NDC1: variants seen among roughly 807,000 people sequenced by gnomAD.
The protein encoded by NDC1 is NDC1 transmembrane nucleoporin.
In NDC1, 24 loss-of-function variants were observed where a neutral mutation model predicts 89.8. The observed-to-expected ratio is 0.27, with a 90% CI of 0.19 to 0.38. NDC1 has a LOEUF of 0.38. Ranked by LOEUF, NDC1 falls within the 10% of genes least tolerant of loss-of-function variation. The probability of loss-of-function intolerance (pLI) is 1.00; values close to 1 mark genes in which losing one functional copy is unlikely to be tolerated. For synonymous variants in NDC1, 296 were observed against 284.8 expected (o/e 1.04, Z -0.39); for missense variants, 728 against 797.6 (o/e 0.91, Z 1.05).
intron 5 of NDC1, 103 bp from the exon 6 acceptor site, chr1:53,819,182 CA>C: frequency 1.6e-6 from 1 of 637,898 alleles, no homozygotes; most frequent in Non-Finnish European, 2.8e-6. Flanking sequence ...ACATAGAAAA[CA>C]TAATTATTGT....
intron 16 of NDC1, among the ~76,000 whole-genome samples, chr1:53,781,240 C>T (rs1357138029): frequency 6.6e-6 from 1 of 152,092 alleles, no homozygotes; most frequent in African/African-American, 2.4e-5. Context: ...CAATAAAATC[C>T]TATGGACCTC....
intron 16 of NDC1, 124 bp downstream of exon 16, chr1:53,787,034 G>A: frequency 1.7e-6 from 1 of 595,068 alleles, no homozygotes; most frequent in Non-Finnish European, 3.0e-6. Flanking sequence ...GGGTGAAAAA[G>A]TATCATTATT....
intron 2 of NDC1, among the ~76,000 whole-genome samples, chr1:53,834,191 G>A (rs915056808): frequency 2.0e-5 from 3 of 152,234 alleles, no homozygotes; most frequent in Non-Finnish European, 2.9e-5. Flanking sequence ...AAAGTGTGAT[G>A]AGGATTAAAA....
At chr1:53,827,965 T>G in intron 4 of NDC1, 34 bp downstream of exon 4, 200 of 1,519,304 alleles carry the variant, frequency 1.3e-4, no homozygotes, top group Non-Finnish European at 1.6e-4. Flanking sequence ...AGTAAGTAAA[T>G]GAGATTCCTA....
In NDC1 at chr1:53,793,209, C is replaced by A. The variant is rs372418589; in HGVS notation, c.1635+20G>T. 399 of 1,590,114 alleles carry A rather than the reference C, an allele frequency of 2.5e-4. 1 individual carries two copies. The highest frequency in any genetic ancestry group is 2.5e-4 in the Non-Finnish European group (291 of 1,158,674). Reference sequence around the variant, plus strand: ...ATTTCCTCCCTCCCCATTCCCAACGCTATAACCACATATTCTTACCTTACT... The same window carrying A: ...ATTTCCTCCCTCCCCATTCCCAACGATATAACCACATATTCTTACCTTACT... On this transcript the variant is annotated intron_variant, in intron 14 of 17. Coordinates refer to ENST00000371429, the MANE Select transcript of NDC1 (RefSeq NM_018087.5).
rs567194324 is a variant in NDC1 at position 53,833,263 on chromosome 1, C to G, written c.179-672G>C. 1.5e-4 allele frequency among the ~76,000 whole-genome samples: 23 copies of G among 152,198 alleles called. No individual in the cohort carries two copies. The South Asian group carries it at 4.8e-3, about 32-fold the overall frequency. On this transcript the variant is annotated intron_variant, in intron 2 of 17. Transcript: ENST00000371429. ...CTGCAATCCGCCTCCTGGGTTCAAG[C>G]AATTCTCCTGCCTCAGCCTTCCAGT...
In NDC1 at chr1:53,767,124, T is replaced by G. The variant is rs1647071978; in HGVS notation, c.*846A>C. 6.6e-6 allele frequency: 1 copy of G among 152,192 alleles called. No homozygotes were observed. The highest frequency in any genetic ancestry group is 1.5e-5 in the Non-Finnish European group (1 of 68,014). The allele number at this position is 152,192 out of a possible 1,614,324, so 9.4% of individuals were successfully genotyped here. On this transcript the variant is annotated 3_prime_UTR_variant, in exon 18 of 18. Transcript: ENST00000371429. Reference sequence around the variant, plus strand: ...TGAATGGTGGGGAAAAAAGGGAACATTTCCTGGGTTTTTTTGCAAACCTTT... The same window carrying G: ...TGAATGGTGGGGAAAAAAGGGAACAGTTCCTGGGTTTTTTTGCAAACCTTT...
At chr1:53,797,847 G>A (rs544851736) in intron 11 of NDC1, among the ~76,000 whole-genome samples, 1 of 151,950 alleles carries the variant, frequency 6.6e-6, no homozygotes, top group Admixed American at 6.5e-5. Flanking sequence ...GGTTGGTCTT[G>A]AACTCCTGGG....
At chr1:53,792,144 G>T (rs71503616) in intron 14 of NDC1, among the ~76,000 whole-genome samples, 10 of 151,976 alleles carry the variant, frequency 6.6e-5, no homozygotes, top group East Asian at 5.8e-4. Flanking sequence ...GGGTTTCACC[G>T]TGTTAGCCAG....
At chr1:53,827,813 C>A (rs1217386119) in intron 4 of NDC1, among the ~76,000 whole-genome samples, 186 bp downstream of exon 4, 1 of 152,156 alleles carries the variant, frequency 6.6e-6, no homozygotes, top group Non-Finnish European at 1.5e-5. Flanking sequence ...TAGCACCTTG[C>A]ACATAATAAA....
chr1:53,825,460 A>AAAAAAAAAAAAAAAAAAAAAAAG (rs1039370528), intron 5 of NDC1, among the ~76,000 whole-genome samples: 28 of 142,174 alleles, frequency 2.0e-4, no homozygotes, highest in African/African-American at 3.9e-4. Context: ...CTCCAAAAAA[A>AAAAAAAAAAAAAAAAAAAAAAAG]AAGAAGCTAC....
chr1:53,837,829 T>C (rs910311714), intron 1 of NDC1, among the ~76,000 whole-genome samples: 1 of 152,214 alleles, frequency 6.6e-6, no homozygotes, highest in Non-Finnish European at 1.5e-5. Context: ...CCTCTACTAA[T>C]GCCACATTTC....
At chr1:53,812,333 C>T (rs1648336609) in intron 6 of NDC1, among the ~76,000 whole-genome samples, 1 of 152,032 alleles carries the variant, frequency 6.6e-6, no homozygotes, top group African/African-American at 2.4e-5. Context: ...CAGAGAAAGG[C>T]GAAGCCCAAT....
intron 9 of NDC1, among the ~76,000 whole-genome samples, chr1:53,804,789 T>C (rs1369969330): frequency 2.6e-5 from 4 of 151,852 alleles, no homozygotes; most frequent in African/African-American, 9.7e-5. Context: ...CCTATTTTTT[T>C]TTTTTCTTTA....
intron 6 of NDC1, among the ~76,000 whole-genome samples, chr1:53,814,681 A>G (rs1286627448): frequency 6.6e-6 from 1 of 152,208 alleles, no homozygotes; most frequent in Non-Finnish European, 1.5e-5. Context: ...CTTTGAAAAG[A>G]TAAGTAAAAC....
intron 5 of NDC1, among the ~76,000 whole-genome samples, chr1:53,819,312 A>G (rs1051876752): frequency 6.6e-6 from 1 of 152,236 alleles, no homozygotes; most frequent in Non-Finnish European, 1.5e-5. Context: ...AAAATTAACC[A>G]TATCAATCCA....
At chr1:53,828,204 TAAC>T in intron 3 of NDC1, 31 bp from the exon 4 acceptor site, 1 of 1,604,632 alleles carries the variant, frequency 6.2e-7, no homozygotes, top group Non-Finnish European at 8.5e-7. Context: ...TGTGGCTTTA[TAAC>T]CTACAGCATA....
intron 13 of NDC1, among the ~76,000 whole-genome samples, chr1:53,794,509 T>C (rs1392796910): frequency 1.3e-5 from 2 of 152,190 alleles, no homozygotes; most frequent in African/African-American, 4.8e-5. Flanking sequence ...GAAATGCCTT[T>C]AACCATTCAT....
intron 10 of NDC1, 79 bp from the exon 11 acceptor site, chr1:53,800,927 G>T: frequency 7.3e-7 from 1 of 1,369,800 alleles, no homozygotes. Flanking sequence ...AAGTCAGTAA[G>T]AAATTCTACA....
Sources: allele counts gnomAD v4.1 joint callset (sites outside exome capture counted in the v4.1 genomes callset), GRCh38; gene constraint gnomAD v4.1.1; transcripts MANE v1.5; gene names NCBI Gene and HGNC (gene_info 2026-07-23, HGNC 2026-07-21).